RAB11FIP4: variants seen among roughly 807,000 people sequenced by gnomAD.
RAB11FIP4 encodes RAB11 family interacting protein 4.
RAB11FIP4 carries 23 observed loss-of-function variants against 74.3 expected under a neutral mutation model. The observed-to-expected ratio is 0.31, with a 90% CI of 0.22 to 0.44. The LOEUF is 0.44. Ranked by LOEUF, RAB11FIP4 falls within the 20% of genes least tolerant of loss-of-function variation. RAB11FIP4 has a pLI of 1.00. For missense variants in RAB11FIP4, 630 were observed against 863.9 expected, an observed-to-expected ratio of 0.73 and a Z score of 3.39; for synonymous variants, 360 against 359.9, an observed-to-expected ratio of 1.00 and a Z score of 0.00.
chr17:31,398,408 A>G (rs188674251), intron 1 of RAB11FIP4, among the ~76,000 whole-genome samples: 60 of 152,144 alleles, frequency 3.9e-4, no homozygotes, highest in Admixed American at 3.4e-3. Flanking sequence ...GTCATTCCCA[A>G]GACACTGGAG....
chr17:31,442,747 G>A (rs567473484), intron 3 of RAB11FIP4, among the ~76,000 whole-genome samples: 1 of 152,204 alleles, frequency 6.6e-6, no homozygotes, highest in South Asian at 2.1e-4. Context: ...ATCACCTGAG[G>A]TCAGGAGTTT....
chr17:31,400,842 C>T lies in RAB11FIP4; in HGVS notation c.159+8831C>T, dbSNP rs115745848. On this transcript the variant is annotated intron_variant, in intron 1 of 14. Coordinates refer to ENST00000621161, the MANE Select transcript of RAB11FIP4 (RefSeq NM_032932.6). ...GCGATGGACAGGTCTGGGGACCACG[C>T]TTCAGCCCCCACCGCCTGGCACATC... Among the ~76,000 whole-genome samples, 336 of 152,310 alleles carry T rather than the reference C, an allele frequency of 2.2e-3. 4 individuals carry two copies. The highest frequency in any genetic ancestry group is 7.2e-3 in the African/African-American group (300 of 41,568).
intron 3 of RAB11FIP4, among the ~76,000 whole-genome samples, chr17:31,437,918 A>G (rs924241085): frequency 6.6e-6 from 1 of 152,146 alleles, no homozygotes; most frequent in East Asian, 1.9e-4. Context: ...TCCTGACCTT[A>G]CTGGATGTGG....
At position 31,419,325 on chromosome 17, in the gene RAB11FIP4, T is replaced by C. The variant is rs551946117; in HGVS notation, c.160-12488T>C. Among the ~76,000 whole-genome samples, 158 of 151,960 alleles carry C rather than the reference T, an allele frequency of 1.0e-3. 1 individual carries two copies. Among genetic ancestry groups the C allele is most frequent in the Non-Finnish European group, 4.4e-4 (30 of 67,960 alleles). On this transcript the variant is annotated intron_variant, in intron 1 of 14. Transcript: ENST00000621161. ...GGTATCATGAATGGATGTTAAATTT[T>C]GCCACTTGATTTCTCTGCATCTTTT...
At chr17:31,454,586 T>G (rs2071560968) in intron 3 of RAB11FIP4, among the ~76,000 whole-genome samples, 1 of 152,094 alleles carries the variant, frequency 6.6e-6, no homozygotes, top group African/African-American at 2.4e-5. Flanking sequence ...AGTCTGATTC[T>G]TAAGATGGAA....
intron 1 of RAB11FIP4, among the ~76,000 whole-genome samples, chr17:31,401,561 G>C (rs2070985900): frequency 6.6e-6 from 1 of 152,238 alleles, no homozygotes; most frequent in Non-Finnish European, 1.5e-5. Context: ...TGGAGACCAA[G>C]GCCTTGAGTC....
chr17:31,466,966 G>T (rs1179075627), intron 3 of RAB11FIP4, among the ~76,000 whole-genome samples: 2 of 152,074 alleles, frequency 1.3e-5, no homozygotes, highest in Admixed American at 6.6e-5. Context: ...TGGTTTAAAG[G>T]AATGTTCTCA....
chr17:31,470,277 G>A (rs1309855901), intron 3 of RAB11FIP4, among the ~76,000 whole-genome samples: 1 of 152,100 alleles, frequency 6.6e-6, no homozygotes, highest in Non-Finnish European at 1.5e-5. Flanking sequence ...CTGCACCATG[G>A]GTATGCAGAT....
At chr17:31,393,481 C>T (rs943512659) in intron 1 of RAB11FIP4, among the ~76,000 whole-genome samples, 2 of 152,204 alleles carry the variant, frequency 1.3e-5, no homozygotes, top group Non-Finnish European at 2.9e-5. Flanking sequence ...AAGGGCCTCC[C>T]AACAACCTCT....
chr17:31,487,613 AG>A (rs1273196309), intron 3 of RAB11FIP4, among the ~76,000 whole-genome samples: 1 of 152,118 alleles, frequency 6.6e-6, no homozygotes, highest in Non-Finnish European at 1.5e-5. Context: ...CGGACTCATT[AG>A]GGGGTGGAGG....
intron 1 of RAB11FIP4, among the ~76,000 whole-genome samples, chr17:31,413,988 G>A (rs1389255257): frequency 6.6e-6 from 1 of 152,204 alleles, no homozygotes; most frequent in African/African-American, 2.4e-5. Context: ...CCTGACCAGC[G>A]TCCAGGCATG....
intron 1 of RAB11FIP4, among the ~76,000 whole-genome samples, chr17:31,416,219 G>C (rs943847898): frequency 6.6e-6 from 1 of 152,132 alleles, no homozygotes; most frequent in Admixed American, 6.5e-5. Flanking sequence ...TCCTGGGCCC[G>C]GGGCTCCTGA....
intron 3 of RAB11FIP4, among the ~76,000 whole-genome samples, chr17:31,440,069 T>C (rs367594218): frequency 6.6e-6 from 1 of 152,222 alleles, no homozygotes; most frequent in East Asian, 1.9e-4. Flanking sequence ...GCCATTTGCA[T>C]TTTGTGTATC....
chr17:31,528,343 C>T (rs2072804268), intron 11 of RAB11FIP4, 63 bp from the exon 12 acceptor site: 2 of 1,570,836 alleles, frequency 1.3e-6, no homozygotes, highest in Non-Finnish European at 1.7e-6. Flanking sequence ...CCAGGGACAC[C>T]CCTGGACATA....
intron 11 of RAB11FIP4, 32 bp downstream of exon 11, chr17:31,527,955 G>C: frequency 6.5e-7 from 1 of 1,541,000 alleles, no homozygotes; most frequent in Non-Finnish European, 8.8e-7. Flanking sequence ...GGAGGGGCAG[G>C]GCTGGCCATC....
At chr17:31,523,258 G>A in intron 7 of RAB11FIP4, 2 of 541,242 alleles carry the variant, frequency 3.7e-6, no homozygotes, top group Admixed American at 3.1e-5. Context: ...AGGGTTCTGA[G>A]GCCGCAGGAG....
intron 3 of RAB11FIP4, among the ~76,000 whole-genome samples, chr17:31,475,411 G>GT (rs1380483251): frequency 6.6e-6 from 1 of 152,228 alleles, no homozygotes; most frequent in Non-Finnish European, 1.5e-5. Flanking sequence ...TCAAGACGTG[G>GT]TAGGTTCAGC....
chr17:31,505,494 AATT>A (rs1444122288), intron 3 of RAB11FIP4, among the ~76,000 whole-genome samples: 4 of 85,854 alleles, frequency 4.7e-5, no homozygotes, highest in South Asian at 2.5e-4. Context: ...TATAATATAT[AATT>A]ATTATATTAT....
chr17:31,434,724 T>A (rs2071341975), intron 3 of RAB11FIP4, among the ~76,000 whole-genome samples: 1 of 152,130 alleles, frequency 6.6e-6, no homozygotes, highest in Non-Finnish European at 1.5e-5. Context: ...GTACTTACGA[T>A]GATCAGTGTA....
Sources: allele counts gnomAD v4.1 joint callset (sites outside exome capture counted in the v4.1 genomes callset), GRCh38; gene constraint gnomAD v4.1.1; transcripts MANE v1.5; gene names NCBI Gene and HGNC (gene_info 2026-07-23, HGNC 2026-07-21).